Variants in PKM observed in about 807,000 individuals in gnomAD.
PKM encodes the protein pyruvate kinase M1/2, also known as pyruvate kinase PKM.
A neutral mutation model predicts 49.8 loss-of-function variants in PKM; 18 were observed. The ratio of observed to expected loss-of-function variants is 0.36; its 90% confidence interval spans 0.25 to 0.54. The LOEUF is 0.54. PKM is among the 20% of genes least tolerant of loss of function. The pLI, the probability that PKM is intolerant of heterozygous loss-of-function variation, is 0.89. For missense variants in PKM, 508 were observed against 713.8 expected, an observed-to-expected ratio of 0.71 and a Z score of 3.28; for synonymous variants, 239 against 261.8, an observed-to-expected ratio of 0.91 and a Z score of 0.84.
intron 3 of PKM, among the ~76,000 whole-genome samples, chr15:72,214,321 A>T (rs1379482736): frequency 6.6e-6 from 1 of 152,250 alleles, no homozygotes; most frequent in South Asian, 2.1e-4. Flanking sequence ...ACCATATATT[A>T]TAAACATACC....
intron 1 of PKM, among the ~76,000 whole-genome samples, chr15:72,225,230 C>T (rs1013260703): frequency 4.6e-5 from 7 of 151,984 alleles, no homozygotes; most frequent in African/African-American, 1.7e-4. Flanking sequence ...GCCACTGTGC[C>T]CGGCCCTCTT....
intron 1 of PKM, among the ~76,000 whole-genome samples, chr15:72,225,771 C>G (rs2082650629): frequency 6.6e-6 from 1 of 152,206 alleles, no homozygotes; most frequent in South Asian, 2.1e-4. Flanking sequence ...GGTGGCCACT[C>G]TCCCTCCCCG....
At position 72,218,963 on chromosome 15, in the gene PKM, A is replaced by G. The variant is rs760820401; in HGVS notation, c.135T>C (p.Thr45=). The G allele has an allele frequency of 6.2e-7, 1 of 1,614,156 alleles. No individual in the cohort carries two copies. Among genetic ancestry groups the G allele is most frequent in the Middle Eastern group, 1.6e-4 (1 of 6,062 alleles). The change falls in exon 2 of 11, where the codon ACT becomes ACC. Residue 45 remains threonine, a synonymous_variant. Coordinates refer to ENST00000335181, the MANE Select transcript of PKM (RefSeq NM_002654.6). ...ACTCACCAATGGTACAGATGATGCC[A>G]GTGTTCCGGGCTGTGATGGGTGGTG... ...IDSPPITARN[T]GIICTIGPAS...
At chr15:72,207,961 T>C (rs1033442203) in intron 6 of PKM, among the ~76,000 whole-genome samples, 1 of 152,214 alleles carries the variant, frequency 6.6e-6, no homozygotes, top group Non-Finnish European at 1.5e-5. Flanking sequence ...TTGTGCTGAG[T>C]TGTATTCCTA....
chr15:72,210,592 G>A, intron 3 of PKM, 114 bp from the exon 4 acceptor site: 1 of 1,154,494 alleles, frequency 8.7e-7, no homozygotes, highest in Non-Finnish European at 1.3e-6. Flanking sequence ...ATGTCTTAGA[G>A]CTCTATCTCC....
intron 1 of PKM, 122 bp downstream of exon 1, chr15:72,230,994 C>A (rs1254937157): frequency 1.6e-6 from 2 of 1,275,518 alleles, no homozygotes; most frequent in African/African-American, 3.0e-5. Context: ...GCATCCCAGA[C>A]GCCCTGGATC....
rs747927716 is a variant in PKM, at chr15:72,218,959, T to C, written c.139A>G (p.Ile47Val). The C allele has an allele frequency of 1.2e-6, 2 of 1,614,166 alleles. No homozygotes were observed. Among genetic ancestry groups the C allele is most frequent in the East Asian group, 2.2e-5 (1 of 44,884 alleles). Reference protein sequence around the residue: ...SPPITARNTGIICTIGPASRS... With the variant: ...SPPITARNTGVICTIGPASRS... ...ACCCACTCACCAATGGTACAGATGA[T>C]GCCAGTGTTCCGGGCTGTGATGGGT... Residue 47 changes from isoleucine (I) to valine (V), a missense_variant, in exon 2 of 11, where the codon ATC (isoleucine) becomes GTC (valine). By Grantham distance (29) the Ile-to-Val change is conservative. Transcript: ENST00000335181.
chr15:72,221,209 C>T, intron 1 of PKM: 1 of 1,535,484 alleles, frequency 6.5e-7, no homozygotes, highest in Non-Finnish European at 8.7e-7. Flanking sequence ...CATAATGCTC[C>T]CCTTTTGGCT....
Position 72,209,854 on chromosome 15 carries a change from G to C in PKM, c.384C>G (p.Gly128=). The change falls in exon 5 of 11, where the codon GGC becomes GGG. Residue 128 remains glycine (G), a synonymous_variant. Coordinates refer to ENST00000335181, the MANE Select transcript of PKM (RefSeq NM_002654.6). ...EIRTGLIKGS[G]TAEVELKKGA... The stretch of plus-strand genomic sequence containing the variant: ...CCTTCTTCAGCTCCACCTCTGCAGT[G>C]CCGCTCTAGGGACAAGAGAGTAAGC... The C allele has an allele frequency of 6.2e-7, 1 of 1,613,880 alleles. No homozygotes were observed.
At chr15:72,227,166 G>A (rs1208414250) in intron 1 of PKM, among the ~76,000 whole-genome samples, 1 of 152,230 alleles carries the variant, frequency 6.6e-6, no homozygotes, top group Non-Finnish European at 1.5e-5. Flanking sequence ...ATATCTGGTT[G>A]TTTAGCTCTA....
At chr15:72,214,753 C>T (rs796844901) in intron 3 of PKM, among the ~76,000 whole-genome samples, 6 of 152,256 alleles carry the variant, frequency 3.9e-5, no homozygotes, top group African/African-American at 1.4e-4. Flanking sequence ...CAAGATCGTG[C>T]CACTGCACTC....
At chr15:72,217,111 G>C (rs1448752605) in intron 3 of PKM, among the ~76,000 whole-genome samples, 1 of 152,242 alleles carries the variant, frequency 6.6e-6, no homozygotes, top group Non-Finnish European at 1.5e-5. Flanking sequence ...AAGGCTTAGA[G>C]GGTTTTCCAG....
intron 3 of PKM, among the ~76,000 whole-genome samples, chr15:72,213,058 G>A (rs762815168): frequency 6.6e-6 from 1 of 151,706 alleles, no homozygotes; most frequent in Admixed American, 6.6e-5. Context: ...CTGGGTGACA[G>A]AGCGAGACTC....
At position 72,210,305 on chromosome 15, in the gene PKM, T is replaced by C. The variant is rs373066537; in HGVS notation, c.378+42A>G. ...TTGGAGGACATGTCTCTGGGGCATA[T>C]TGCCTACTGAGCCTTCCCCTCGCTC... On this transcript the variant is annotated intron_variant, in intron 4 of 10. Transcript: ENST00000335181. 21 of 1,606,398 alleles carry C rather than the reference T, an allele frequency of 1.3e-5. No homozygotes were observed. The African/African-American group carries it at 2.1e-4, about 16-fold the overall frequency.
intron 5 of PKM, chr15:72,209,462 T>G (rs1225520329): frequency 3.6e-6 from 1 of 274,440 alleles, no homozygotes. Flanking sequence ...TATATATGTA[T>G]GTATGTTCCT....
chr15:72,228,629 TCCCCACAGAGCCCCACTC>T, intron 1 of PKM: 1 of 1,286,358 alleles, frequency 7.8e-7, no homozygotes, highest in African/African-American at 1.5e-5. Context: ...TGAGTCATCT[TCCCCACAGAGCCCCACTC>T]CCCCACAGAT....
chr15:72,210,141 A>T (rs969134531), intron 4 of PKM: 2 of 687,974 alleles, frequency 2.9e-6, no homozygotes, highest in African/African-American at 3.6e-5. Flanking sequence ...TAAAAAAAAA[A>T]GGTTCCTTTG....
chr15:72,202,659 ACAGAGCTTTGT>A lies in PKM; in HGVS notation c.1141-50_1141-40del, dbSNP rs780416180. 7.2e-5 allele frequency: 114 copies of A among 1,574,180 alleles called. No individual in the cohort carries two copies. Among genetic ancestry groups the A allele is most frequent in the Admixed American group, 2.2e-4 (13 of 57,970 alleles). The stretch of plus-strand genomic sequence containing the variant: ...ATCCGTCCAGAGGGACGAGAGGGGG[ACAGAGCTTTGT>A]CAGAGCTTTGTCACAAAAGGAGAGG... On this transcript the variant is annotated intron_variant, in intron 8 of 10. Coordinates refer to ENST00000335181, the MANE Select transcript of PKM (RefSeq NM_002654.6). The surrounding 1 kb of genome is among the most constrained non-coding windows in gnomAD (Gnocchi z 4.5).
intron 3 of PKM, among the ~76,000 whole-genome samples, chr15:72,211,586 G>C (rs1311152949): frequency 2.0e-5 from 3 of 152,116 alleles, no homozygotes; most frequent in Non-Finnish European, 4.4e-5. Flanking sequence ...GGGAGGCTAA[G>C]GTGGGAGGAC....
Sources: gnomAD v4.1 joint callset for allele counts (sites outside exome capture counted in the v4.1 genomes callset) on GRCh38, gnomAD v4.1.1 for gene constraint, Gnocchi (gnomAD v3.1) non-coding constraint, MANE v1.5 for transcripts, NCBI Gene and HGNC (gene_info 2026-07-23, HGNC 2026-07-21) for gene names.